Variants in ERC2 observed in about 807,000 individuals in gnomAD.
ERC2 encodes the protein ELKS/RAB6-interacting/CAST family member 2.
A neutral mutation model predicts 114.8 loss-of-function variants in ERC2; 42 were observed. That is an observed-to-expected ratio of 0.37 (90% CI 0.29 to 0.47). The LOEUF is 0.47. Ranked by LOEUF, ERC2 falls within the 20% of genes least tolerant of loss-of-function variation. The probability of loss-of-function intolerance (pLI) is 0.99; values close to 1 mark genes in which losing one functional copy is unlikely to be tolerated. For missense variants in ERC2, 939 were observed against 1,150.7 expected (o/e 0.82, Z 2.66); for synonymous variants, 454 against 425.5 (o/e 1.07, Z -0.82).
chr3:56,349,385 C>G (rs2058463394), intron 2 of ERC2, among the ~76,000 whole-genome samples: 1 of 152,202 alleles, frequency 6.6e-6, no homozygotes, highest in East Asian at 1.9e-4. Context: ...CCTCCACATA[C>G]AATTACCCAA....
intron 14 of ERC2, among the ~76,000 whole-genome samples, chr3:55,736,697 C>T (rs1277433028): frequency 2.6e-5 from 4 of 152,116 alleles, no homozygotes; most frequent in Admixed American, 6.6e-5. Flanking sequence ...TTACTTTTTA[C>T]AGACTTTTAA....
chr3:56,254,331 A>AC (rs1024195630), intron 3 of ERC2, among the ~76,000 whole-genome samples: 13 of 140,878 alleles, frequency 9.2e-5, no homozygotes, highest in Non-Finnish European at 1.8e-4. Context: ...GAGCCCTTAA[A>AC]CCCCTTTTTT....
Position 56,350,894 on chromosome 3 carries a change from T to G in ERC2, c.658-54459A>C, listed in dbSNP as rs139217834. ...AAGTGCTTTATCTGCTTTCTCTTAT[T>G]CAATACTCTCAGCAACCCTATGAAG... On this transcript the variant is annotated intron_variant, in intron 2 of 17. Coordinates refer to ENST00000288221, the MANE Select transcript of ERC2 (RefSeq NM_015576.3). Among the ~76,000 whole-genome samples the G allele has an allele frequency of 8.3e-3, 1,257 of 152,268 alleles. 14 individuals carry two copies. The highest frequency in any genetic ancestry group is 0.028 in the African/African-American group (1,183 of 41,554).
intron 15 of ERC2, among the ~76,000 whole-genome samples, chr3:55,705,663 G>A (rs815435): frequency 0.53 from 81,061 of 151,686 alleles, 22,749 homozygotes; most frequent in South Asian, 0.73. Flanking sequence ...CCTGAGCACT[G>A]GTCTGATCTC....
intron 6 of ERC2, among the ~76,000 whole-genome samples, chr3:56,107,440 C>T (rs557437653): frequency 3.3e-4 from 50 of 152,162 alleles, no homozygotes; most frequent in African/African-American, 1.2e-3. Context: ...GTCCCAGTCT[C>T]AGTTTTCCCA....
At chr3:56,028,573 T>C (rs1191714906) in intron 7 of ERC2, among the ~76,000 whole-genome samples, 1 of 152,154 alleles carries the variant, frequency 6.6e-6, no homozygotes, top group Non-Finnish European at 1.5e-5. Context: ...GTAAACCGTC[T>C]TATATTTTTA....
chr3:55,804,086 T>G (rs1240840269), intron 14 of ERC2, among the ~76,000 whole-genome samples: 2 of 152,192 alleles, frequency 1.3e-5, no homozygotes, highest in Non-Finnish European at 2.9e-5. Context: ...TTTTTTTATG[T>G]GTAGTATATT....
chr3:55,748,603 G>A (rs1010593460), intron 14 of ERC2, among the ~76,000 whole-genome samples: 4 of 152,146 alleles, frequency 2.6e-5, no homozygotes, highest in African/African-American at 4.8e-5. Context: ...CAGCAATACC[G>A]TGCAAAGAAG....
At chr3:55,641,898 T>C (rs1439695331) in intron 17 of ERC2, among the ~76,000 whole-genome samples, 1 of 152,218 alleles carries the variant, frequency 6.6e-6, no homozygotes, top group Non-Finnish European at 1.5e-5. Context: ...GTCTTAAATG[T>C]CTTCAGAGGG....
chr3:56,073,605 C>A (rs1029406385), intron 7 of ERC2, among the ~76,000 whole-genome samples: 2 of 152,164 alleles, frequency 1.3e-5, no homozygotes, highest in African/African-American at 4.8e-5. Flanking sequence ...TTTGCCTACA[C>A]CAAGGAGGTC....
intron 6 of ERC2, among the ~76,000 whole-genome samples, chr3:56,105,824 GT>G (rs1359278766): frequency 2.0e-5 from 3 of 152,186 alleles, no homozygotes; most frequent in African/African-American, 4.8e-5. Context: ...GCACAGGTTG[GT>G]TGAGGGGTGT....
At chr3:55,574,193 G>A (rs1164468900) in intron 17 of ERC2, among the ~76,000 whole-genome samples, 1 of 152,148 alleles carries the variant, frequency 6.6e-6, no homozygotes, top group Non-Finnish European at 1.5e-5. Flanking sequence ...TACAGGTGAA[G>A]TGACTTATCC....
chr3:55,911,700 A>G (rs981880335), intron 13 of ERC2, among the ~76,000 whole-genome samples: 3 of 152,210 alleles, frequency 2.0e-5, no homozygotes, highest in African/African-American at 7.2e-5. Flanking sequence ...TTAGAGGGAA[A>G]AATTTAAGAC....
intron 17 of ERC2, among the ~76,000 whole-genome samples, chr3:55,600,366 C>CA (rs1035056365): frequency 9.5e-4 from 145 of 152,164 alleles, no homozygotes; most frequent in African/African-American, 3.3e-3. Context: ...AAAGAAAAAA[C>CA]AATCTATAAG....
At chr3:56,436,386 A>G (rs2062018589) in intron 1 of ERC2, among the ~76,000 whole-genome samples, 1 of 152,228 alleles carries the variant, frequency 6.6e-6, no homozygotes, top group African/African-American at 2.4e-5. Flanking sequence ...GTCAATAAAT[A>G]GATTTTGAAG....
At position 56,149,105 on chromosome 3, in the gene ERC2, T is replaced by C; in HGVS notation, c.1177A>G (p.Asn393Asp). 6.2e-7 allele frequency: 1 copy of C among 1,611,040 alleles called. No individual in the cohort carries two copies. The highest frequency in any genetic ancestry group is 2.2e-5 in the East Asian group (1 of 44,792). The change falls in exon 5 of 18, where the codon AAC (asparagine) becomes GAC (aspartate). Residue 393 changes from asparagine (N) to aspartate (D), a missense_variant. Coordinates refer to ENST00000288221, the MANE Select transcript of ERC2 (RefSeq NM_015576.3). ...ATCTCATCCTCAAGATCCCTTATGT[T>C]TCGTTCCAATGAAGCGATTTTTGTG... ...KDTKIASLERNIRDLEDEIQM... is the reference protein window; with the variant it reads ...KDTKIASLERDIRDLEDEIQM...
rs770005141 is a variant in ERC2, at chr3:56,126,017, C to T, written c.1473+13492G>A. Among the ~76,000 whole-genome samples, 24 of 152,178 alleles carry T rather than the reference C, an allele frequency of 1.6e-4. 1 individual carries two copies. The highest frequency in any genetic ancestry group is 1.3e-4 in the Admixed American group (2 of 15,276). ...TAATGAACTCCATGTACCCAATTCT[C>T]AACTTCAACAAGTATCCACTTAGGG... On this transcript the variant is annotated intron_variant, in intron 6 of 17. Coordinates refer to ENST00000288221, the MANE Select transcript of ERC2 (RefSeq NM_015576.3).
chr3:56,412,568 C>T (rs72873495), intron 2 of ERC2, among the ~76,000 whole-genome samples: 8,218 of 152,216 alleles, frequency 0.054, 568 homozygotes, highest in African/African-American at 0.16. Flanking sequence ...CTGGACTAGC[C>T]CCTTCTTCAG....
intron 4 of ERC2, among the ~76,000 whole-genome samples, chr3:56,169,367 C>G (rs997430885): frequency 6.6e-5 from 10 of 152,142 alleles, no homozygotes; most frequent in African/African-American, 2.4e-4. Context: ...TATGTATTTT[C>G]TTTTCAGCTT....
Sources: gnomAD v4.1 joint callset for allele counts (sites outside exome capture counted in the v4.1 genomes callset) on GRCh38, gnomAD v4.1.1 for gene constraint, MANE v1.5 for transcripts, NCBI Gene and HGNC (gene_info 2026-07-23, HGNC 2026-07-21) for gene names.